The following KCNMA1 variants were observed in gnomAD, a reference collection of about 807,000 sequenced individuals.
The protein encoded by KCNMA1 is potassium calcium-activated channel subfamily M alpha 1.
In KCNMA1, 29 loss-of-function variants were observed where a neutral mutation model predicts 140.0. The ratio of observed to expected loss-of-function variants is 0.21; its 90% CI spans 0.15 to 0.28. The LOEUF is 0.28. KCNMA1 is among the 10% of genes least tolerant of loss of function. The pLI, the probability that KCNMA1 is intolerant of heterozygous loss-of-function variation, is 1.00. For missense variants in KCNMA1, 880 were observed against 1,602.2 expected, an observed-to-expected ratio of 0.55 and a Z score of 7.70; for synonymous variants, 612 against 611.9, an observed-to-expected ratio of 1.00 and a Z score of 0.00.
chr10:76,870,791 T>G (rs1481011923), exon 28 of KCNMA1: 1 of 152,226 alleles, frequency 6.6e-6, no homozygotes, highest in Admixed American at 6.5e-5. Context: ...AGTGGCCGAG[T>G]GACTGCCCAC....
intron 1 of KCNMA1, among the ~76,000 whole-genome samples, chr10:77,448,487 C>T (rs1413497018): frequency 6.6e-6 from 1 of 152,140 alleles, no homozygotes; most frequent in Non-Finnish European, 1.5e-5. Flanking sequence ...TCTTACAAGG[C>T]TATTGTTGAC....
chr10:77,181,066 G>C (rs2098798989), intron 5 of KCNMA1, among the ~76,000 whole-genome samples: 1 of 152,310 alleles, frequency 6.6e-6, no homozygotes, highest in East Asian at 1.9e-4. Flanking sequence ...GCTCACTGCA[G>C]AGGAGGATGT....
rs201433321 is a variant in KCNMA1 at position 77,086,500 on chromosome 10, A to T, written c.1428T>A (p.Leu476=). 6.2e-6 allele frequency: 10 copies of T among 1,612,110 alleles called. No individual in the cohort carries two copies. The highest frequency in any genetic ancestry group is 8.5e-6 in the Non-Finnish European group (10 of 1,178,232). ...TCTTCCTCCTTACCTTGACTCTTGCAAGATCATGTGGATTGAGGACGGAAC... is the reference window on the plus strand; with the variant it reads ...TCTTCCTCCTTACCTTGACTCTTGCTAGATCATGTGGATTGAGGACGGAAC... ...YQGSVLNPHD[L]ARVKIESADA... is the part of the protein sequence containing the mutation. Residue 476 remains leucine, a synonymous_variant, in exon 11 of 28, where the codon CTT becomes CTA. Coordinates refer to ENST00000286628, the MANE Select transcript of KCNMA1 (RefSeq NM_001161352.2).
intron 2 of KCNMA1, among the ~76,000 whole-genome samples, chr10:77,396,148 C>G (rs186464811): frequency 7.2e-5 from 11 of 152,094 alleles, no homozygotes; most frequent in Non-Finnish European, 1.3e-4. Context: ...CAACTGATTC[C>G]CAATAGCAGA....
chr10:77,126,376 C>A (rs1258066255), intron 5 of KCNMA1, among the ~76,000 whole-genome samples: 2 of 152,186 alleles, frequency 1.3e-5, no homozygotes, highest in East Asian at 3.9e-4. Flanking sequence ...TGTGTTTTTC[C>A]ATGCTCTGTA....
intron 14 of KCNMA1, 111 bp downstream of exon 14, chr10:77,072,986 C>T: frequency 2.0e-6 from 2 of 1,021,472 alleles, no homozygotes; most frequent in Admixed American, 3.6e-5. Context: ...TTCTCCTTAA[C>T]CCAAGTGGTT....
rs117405883 is a variant in KCNMA1, at chr10:77,590,519, G to A, written c.378+46746C>T. On this transcript the variant is annotated intron_variant, in intron 1 of 27. Transcript: ENST00000286628. Reference sequence around the variant, plus strand: ...CTGAGCCCACACCCACCCGGAACTCGCGCTGGCCCGCAAGCACCGCTGGCA... The same window carrying A: ...CTGAGCCCACACCCACCCGGAACTCACGCTGGCCCGCAAGCACCGCTGGCA... Among the ~76,000 whole-genome samples the A allele has an allele frequency of 8.9e-3, 1,363 of 152,318 alleles. 13 individuals carry two copies. The highest frequency in any genetic ancestry group is 0.051 in the East Asian group (263 of 5,170).
intron 3 of KCNMA1, among the ~76,000 whole-genome samples, chr10:77,220,121 C>T (rs2154188187): frequency 6.6e-6 from 1 of 152,294 alleles, no homozygotes; most frequent in South Asian, 2.1e-4. Flanking sequence ...CCTCATAACA[C>T]CCTTTTTGTG....
intron 1 of KCNMA1, among the ~76,000 whole-genome samples, chr10:77,443,675 T>A (rs752808102): frequency 1.3e-5 from 2 of 152,196 alleles, no homozygotes; most frequent in Non-Finnish European, 2.9e-5. Flanking sequence ...TGAGCCAAAT[T>A]ATTTCTAATT....
intron 1 of KCNMA1, among the ~76,000 whole-genome samples, chr10:77,426,512 T>C (rs2096997353): frequency 1.3e-5 from 2 of 152,290 alleles, no homozygotes; most frequent in South Asian, 4.1e-4. Context: ...AGCTGGGATA[T>C]AAATCCAGAC....
At chr10:76,909,337 A>G (rs2049118108) in intron 25 of KCNMA1, among the ~76,000 whole-genome samples, 1 of 152,198 alleles carries the variant, frequency 6.6e-6, no homozygotes, top group Admixed American at 6.5e-5. Flanking sequence ...TCCTGCCGCC[A>G]TCTTGTACCT....
At chr10:77,480,731 C>T (rs761632314) in intron 1 of KCNMA1, among the ~76,000 whole-genome samples, 7 of 152,052 alleles carry the variant, frequency 4.6e-5, no homozygotes, top group African/African-American at 9.7e-5. Flanking sequence ...TTCCCCCTCC[C>T]GGCAAAGCCC....
intron 2 of KCNMA1, among the ~76,000 whole-genome samples, chr10:77,324,977 G>C (rs149149353): frequency 0.078 from 5,738 of 73,604 alleles, 159 homozygotes; most frequent in Non-Finnish European, 0.14. Flanking sequence ...CTCTCTGTGT[G>C]TGTGTGTGTG....
intron 1 of KCNMA1, among the ~76,000 whole-genome samples, chr10:77,497,918 T>G (rs896405773): frequency 6.6e-6 from 1 of 152,108 alleles, no homozygotes; most frequent in Non-Finnish European, 1.5e-5. Flanking sequence ...CTGGCTTCAT[T>G]TACATTTGTC....
At chr10:77,452,178 G>C (rs12571330) in intron 1 of KCNMA1, among the ~76,000 whole-genome samples, 52 of 152,010 alleles carry the variant, frequency 3.4e-4, no homozygotes, top group African/African-American at 1.3e-3. Context: ...TGATCTTTTC[G>C]CCTGCCATGA....
chr10:77,506,620 T>TGTGTGTG (rs1567212074), intron 1 of KCNMA1, among the ~76,000 whole-genome samples: 25 of 104,160 alleles, frequency 2.4e-4, no homozygotes, highest in East Asian at 5.5e-4. Flanking sequence ...TGTGTGTGTG[T>TGTGTGTG]TAGAGAGGGA....
intron 2 of KCNMA1, among the ~76,000 whole-genome samples, chr10:77,346,226 A>G (rs985766756): frequency 1.3e-5 from 2 of 152,228 alleles, no homozygotes; most frequent in Non-Finnish European, 2.9e-5. Context: ...AAACCCAGTC[A>G]TGCAAAGCCA....
intron 14 of KCNMA1, among the ~76,000 whole-genome samples, chr10:77,050,251 G>A (rs1272527882): frequency 2.0e-5 from 3 of 149,582 alleles, no homozygotes; most frequent in Admixed American, 2.0e-4. Context: ...CTAAAATTGA[G>A]GCCAAAACAA....
chr10:77,146,701 C>CAAAAAAAAAAAAAAAAAAAAAAAAAA (rs5786266), intron 5 of KCNMA1, among the ~76,000 whole-genome samples: 4 of 64,188 alleles, frequency 6.2e-5, no homozygotes, highest in Non-Finnish European at 7.8e-5. Flanking sequence ...GACTTCATCT[C>CAAAAAAAAAAAAAAAAAAAAAAAAAA]AAAAAAAAAA....
Sources: allele counts gnomAD v4.1 joint callset (sites outside exome capture counted in the v4.1 genomes callset), GRCh38; gene constraint gnomAD v4.1.1; transcripts MANE v1.5; gene names NCBI Gene and HGNC (gene_info 2026-07-23, HGNC 2026-07-21).